HPCAL1: variants seen among roughly 807,000 people sequenced by gnomAD.
HPCAL1 encodes the protein hippocalcin like 1.
In HPCAL1, 8 loss-of-function variants were observed where a neutral mutation model predicts 17.1. That is an observed-to-expected ratio of 0.47 (90% CI 0.27 to 0.84). The LOEUF is 0.84. Among genes scored for constraint, HPCAL1 ranks in the 40% least tolerant of loss-of-function variants. The probability of loss-of-function intolerance (pLI) is 0.13; values close to 1 mark genes in which losing one functional copy is unlikely to be tolerated. For synonymous variants in HPCAL1, 112 were observed against 111.4 expected (o/e 1.01, Z -0.03); for missense variants, 165 against 271.1 (o/e 0.61, Z 2.75).
At chr2:10,312,864 A>G (rs1255312211) in intron 1 of HPCAL1, among the ~76,000 whole-genome samples, 4 of 151,904 alleles carry the variant, frequency 2.6e-5, no homozygotes, top group Non-Finnish European at 5.9e-5. Flanking sequence ...CACCATCATC[A>G]TCACCACCAC....
At chr2:10,370,028 G>A (rs1572736896) in intron 1 of HPCAL1, among the ~76,000 whole-genome samples, 1 of 152,216 alleles carries the variant, frequency 6.6e-6, no homozygotes, top group East Asian at 1.9e-4. Flanking sequence ...GCTGGGTTAG[G>A]CCTCAGGAGT....
intron 1 of HPCAL1, among the ~76,000 whole-genome samples, chr2:10,347,110 C>T (rs996963053): frequency 2.6e-5 from 4 of 152,146 alleles, no homozygotes; most frequent in East Asian, 1.9e-4. Context: ...GCACCGCCCC[C>T]GCCCCCCGCA....
At chr2:10,361,119 C>T (rs1000592495) in intron 1 of HPCAL1, among the ~76,000 whole-genome samples, 5 of 146,908 alleles carry the variant, frequency 3.4e-5, no homozygotes, top group South Asian at 2.3e-4. Context: ...CTGGAAAGCC[C>T]GGCGTGTCTG....
intron 1 of HPCAL1, among the ~76,000 whole-genome samples, chr2:10,360,323 C>G (rs1666441934): frequency 6.6e-6 from 1 of 152,204 alleles, no homozygotes; most frequent in Non-Finnish European, 1.5e-5. Flanking sequence ...GGAGACTTCT[C>G]TCACAAAGCG....
chr2:10,335,658 G>C (rs1664668295), intron 1 of HPCAL1, among the ~76,000 whole-genome samples: 1 of 152,176 alleles, frequency 6.6e-6, no homozygotes, highest in Admixed American at 6.5e-5. Context: ...ATTGCCAGGT[G>C]CTATGGTATT....
rs575283546 is a variant in HPCAL1 at position 10,354,991 on chromosome 2, G to A, written c.-110-41844G>A. Among the ~76,000 whole-genome samples, 294 of 152,328 alleles carry A rather than the reference G, an allele frequency of 1.9e-3. No homozygotes were observed. Among genetic ancestry groups the A allele is most frequent in the African/African-American group, 5.4e-3 (225 of 41,574 alleles). ...CAGAGATGAAGATGAGGAGGATGAT[G>A]GCCTGTGCCCAGGCAGGTAACAGAC... On this transcript the variant is annotated intron_variant, in intron 1 of 4. Coordinates refer to ENST00000307845, the MANE Select transcript of HPCAL1 (RefSeq NM_002149.4). This position sits in a 1 kb window ranked among gnomAD's most constrained non-coding sequence, Gnocchi z 5.1.
chr2:10,403,527 A>C (rs1386968734), intron 2 of HPCAL1, among the ~76,000 whole-genome samples: 4 of 151,024 alleles, frequency 2.6e-5, no homozygotes, highest in Admixed American at 1.3e-4. Context: ...TCTGTCACCC[A>C]GGCTGGAGTG....
At chr2:10,350,960 C>A (rs1410873356) in intron 1 of HPCAL1, among the ~76,000 whole-genome samples, 1 of 152,168 alleles carries the variant, frequency 6.6e-6, no homozygotes, top group East Asian at 1.9e-4. Context: ...AACCCTCATA[C>A]GCTGTTGGTA....
At chr2:10,424,808 C>G (rs558479227) in intron 4 of HPCAL1, 1 of 367,254 alleles carries the variant, frequency 2.7e-6, no homozygotes, top group Non-Finnish European at 5.5e-6. Context: ...AAAGCTCCTC[C>G]GGGGACTGCT....
At chr2:10,392,265 T>C (rs972024808) in intron 1 of HPCAL1, among the ~76,000 whole-genome samples, 7 of 151,470 alleles carry the variant, frequency 4.6e-5, no homozygotes, top group African/African-American at 1.7e-4. Context: ...GGTCTCGCAG[T>C]GCTGGGCTCA....
At position 10,361,171 on chromosome 2, in the gene HPCAL1, C is replaced by T. The variant is rs185399921; in HGVS notation, c.-110-35664C>T. 1.0e-4 allele frequency among the ~76,000 whole-genome samples: 15 copies of T among 149,408 alleles called. No individual in the cohort carries two copies. In the East Asian group the frequency reaches 2.4e-3, roughly 24 times the overall value. ...ACGGTGGCCAGTGTGGTTTTCCAGG[C>T]GAGTCCGTGGGCTCCTGGGTGGGTG... On this transcript the variant is annotated intron_variant, in intron 1 of 4. Transcript: ENST00000307845.
chr2:10,376,097 A>G (rs1667539110), intron 1 of HPCAL1, among the ~76,000 whole-genome samples: 1 of 152,152 alleles, frequency 6.6e-6, no homozygotes, highest in African/African-American at 2.4e-5. Context: ...CACTCTTGCC[A>G]TGTGACACAT....
intron 1 of HPCAL1, among the ~76,000 whole-genome samples, chr2:10,383,960 T>C (rs1221326779): frequency 6.6e-6 from 1 of 151,916 alleles, no homozygotes; most frequent in African/African-American, 2.4e-5. Flanking sequence ...ATCACTCAGG[T>C]TGAAGTCACT....
At position 10,342,677 on chromosome 2, in the gene HPCAL1, C is replaced by T. The variant is rs1455958853; in HGVS notation, c.-111+39500C>T. On this transcript the variant is annotated intron_variant, in intron 1 of 4. Coordinates refer to ENST00000307845, the MANE Select transcript of HPCAL1 (RefSeq NM_002149.4). The surrounding 1 kb of genome is among the most constrained non-coding windows in gnomAD (Gnocchi z 4.1). ...TGTGTTTGCACTGTGCTCTGAGCTC[C>T]CTCTCATGACTCTCATTCTTTCTCG... is the stretch of plus-strand genomic sequence containing the variant. Among the ~76,000 whole-genome samples, 1 of 152,196 alleles carries T rather than the reference C, an allele frequency of 6.6e-6. No individual in the cohort carries two copies. The highest frequency in any genetic ancestry group is 1.5e-5 in the Non-Finnish European group (1 of 68,028).
chr2:10,403,778 C>T (rs926085656), intron 2 of HPCAL1, among the ~76,000 whole-genome samples: 10 of 151,928 alleles, frequency 6.6e-5, no homozygotes, highest in African/African-American at 2.4e-4. Flanking sequence ...CCACCGAGTC[C>T]GGCCAACAAA....
chr2:10,341,592 C>A (rs761203417), intron 1 of HPCAL1, among the ~76,000 whole-genome samples: 1 of 152,082 alleles, frequency 6.6e-6, no homozygotes, highest in African/African-American at 2.4e-5. Context: ...GAAACTCTCC[C>A]CTCAACACAA....
chr2:10,383,896 C>T (rs1429819077), intron 1 of HPCAL1, among the ~76,000 whole-genome samples: 1 of 151,988 alleles, frequency 6.6e-6, no homozygotes, highest in Admixed American at 6.5e-5. Context: ...CCCTCAACTC[C>T]CCAGTTGTAA....
chr2:10,354,834 T>C lies in HPCAL1; in HGVS notation c.-110-42001T>C, dbSNP rs1177444324. ...AATACACAGCCCTGCGTGCTGACCTTGTGTTAGAACTTAATGATGCGACGT... is the reference window on the plus strand; with the variant it reads ...AATACACAGCCCTGCGTGCTGACCTCGTGTTAGAACTTAATGATGCGACGT... On this transcript the variant is annotated intron_variant, in intron 1 of 4. Coordinates refer to ENST00000307845, the MANE Select transcript of HPCAL1 (RefSeq NM_002149.4). The surrounding 1 kb of genome is among the most constrained non-coding windows in gnomAD (Gnocchi z 5.1). Among the ~76,000 whole-genome samples, 1 of 152,228 alleles carries C rather than the reference T, an allele frequency of 6.6e-6. No homozygotes were observed. The highest frequency in any genetic ancestry group is 1.5e-5 in the Non-Finnish European group (1 of 68,044).
Position 10,423,095 on chromosome 2 carries a change from CGGGGTG to C in HPCAL1, c.484+12_484+17del. On this transcript the variant is annotated splice_region_variant and intron_variant, in intron 4 of 4. Coordinates refer to ENST00000307845, the MANE Select transcript of HPCAL1 (RefSeq NM_002149.4). The stretch of plus-strand genomic sequence containing the variant: ...ATGGACACCAACAATGACGGTAGTG[CGGGGTG>C]GGGGCGGGGCTGCATGTGTACGCCA... 1 of 1,453,464 alleles carries C rather than the reference CGGGGTG, an allele frequency of 6.9e-7. No homozygotes were observed. Among genetic ancestry groups the C allele is most frequent in the Non-Finnish European group, 9.7e-7 (1 of 1,035,962 alleles). 90.0% of individuals were successfully genotyped at this position (1,453,464 alleles called of 1,614,324 possible).
Sources: gnomAD v4.1 joint callset for allele counts (sites outside exome capture counted in the v4.1 genomes callset) on GRCh38, gnomAD v4.1.1 for gene constraint, Gnocchi (gnomAD v3.1) non-coding constraint, MANE v1.5 for transcripts, NCBI Gene and HGNC (gene_info 2026-07-23, HGNC 2026-07-21) for gene names.